SFXN5: variants seen among roughly 807,000 people sequenced by gnomAD.
The protein encoded by SFXN5 is sideroflexin 5.
In SFXN5, 43 loss-of-function variants were observed where a neutral mutation model predicts 50.2. The ratio of observed to expected loss-of-function variants is 0.86; its 90% CI spans 0.67 to 1.11. The LOEUF (loss-of-function observed/expected upper bound fraction) is 1.11, where lower values mean the gene tolerates loss of function less well. Among genes scored for constraint, SFXN5 ranks in the 50% least tolerant of loss-of-function variants. The pLI, the probability that SFXN5 is intolerant of heterozygous loss-of-function variation, is 0.00. For missense variants in SFXN5, 463 were observed against 454.1 expected, an observed-to-expected ratio of 1.02 and a Z score of -0.18; for synonymous variants, 203 against 185.8, an observed-to-expected ratio of 1.09 and a Z score of -0.75.
At chr2:72,965,897 G>A (rs888404345) in intron 12 of SFXN5, among the ~76,000 whole-genome samples, 3 of 152,080 alleles carry the variant, frequency 2.0e-5, no homozygotes, top group Non-Finnish European at 2.9e-5. Context: ...CCCGCCCCCC[G>A]CCTTCTTGTA....
intron 13 of SFXN5, among the ~76,000 whole-genome samples, chr2:72,957,921 C>T (rs1002074708): frequency 1.1e-4 from 17 of 152,238 alleles, no homozygotes; most frequent in African/African-American, 4.1e-4. Context: ...CAATGACTAT[C>T]TTCTTCCCAA....
Position 72,943,860 on chromosome 2 carries a change from G to C in SFXN5, c.*1162C>G, listed in dbSNP as rs1449763675. 1 of 152,344 alleles carries C rather than the reference G, an allele frequency of 6.6e-6. No homozygotes were observed. The highest frequency in any genetic ancestry group is 6.5e-5 in the Admixed American group (1 of 15,286). The allele number at this position is 152,344 out of a possible 1,614,324, so 9.4% of individuals were successfully genotyped here. A position where few individuals can be genotyped will look rare whatever the true frequency, so the allele number is the denominator to read the frequency against. Reference sequence around the variant, plus strand: ...CGAGGTCTTGCTGGAGGAGCCAGTGGGAACCCCTTGATCCAGTCTTCTGGT... The same window carrying C: ...CGAGGTCTTGCTGGAGGAGCCAGTGCGAACCCCTTGATCCAGTCTTCTGGT... On this transcript the variant is annotated 3_prime_UTR_variant, in exon 14 of 14. Transcript: ENST00000272433.
rs112976123 is a variant in SFXN5, at chr2:72,971,648, G to A, written c.663C>T (p.Tyr221=). The change falls in exon 11 of 14, where the codon TAC becomes TAT. Residue 221 remains tyrosine, a synonymous_variant. Coordinates refer to ENST00000272433, the MANE Select transcript of SFXN5 (RefSeq NM_144579.3). ...CATCAATCCCTTCCTCCAGCTCCCCGTACCGCATCAGGACCACATTGCAGA... is the reference window on the plus strand; with the variant it reads ...CATCAATCCCTTCCTCCAGCTCCCCATACCGCATCAGGACCACATTGCAGA... ...ANICNVVLMR[Y]GELEEGIDVL... is the part of the protein sequence containing the mutation. 2,892 of 1,613,974 alleles carry A rather than the reference G, an allele frequency of 1.8e-3. 43 individuals are homozygous for A. In the African/African-American group the frequency reaches 0.033, roughly 18 times the overall value.
At chr2:72,949,796 T>C (rs568044352) in intron 13 of SFXN5, among the ~76,000 whole-genome samples, 2 of 151,300 alleles carry the variant, frequency 1.3e-5, no homozygotes, top group Admixed American at 6.6e-5. Flanking sequence ...TCCACAGGAG[T>C]TGATGACCAA....
chr2:73,045,930 C>T (rs35073682), intron 2 of SFXN5, among the ~76,000 whole-genome samples: 5,701 of 152,204 alleles, frequency 0.037, 143 homozygotes, highest in Non-Finnish European at 0.058. Context: ...AGGGACACGT[C>T]GCTTTCCCTG....
intron 13 of SFXN5, among the ~76,000 whole-genome samples, chr2:72,955,276 GC>G (rs1672960054): frequency 6.6e-6 from 1 of 152,064 alleles, no homozygotes; most frequent in Non-Finnish European, 1.5e-5. Flanking sequence ...TGGCTCGCTC[GC>G]CCGCCCGCCG....
intron 9 of SFXN5, among the ~76,000 whole-genome samples, chr2:72,995,753 G>T (rs1488989022): frequency 6.6e-6 from 1 of 152,156 alleles, no homozygotes. Flanking sequence ...AGTTAATGAG[G>T]CTGTAGGACC....
intron 3 of SFXN5, among the ~76,000 whole-genome samples, chr2:73,033,069 T>G (rs1176000977): frequency 1.3e-5 from 2 of 152,214 alleles, no homozygotes; most frequent in Non-Finnish European, 2.9e-5. Context: ...GTTTAAATTC[T>G]AGATCTCCCG....
rs1671787616 is a variant in SFXN5, at chr2:72,945,097, A to G, written c.948T>C (p.Ile316=). The G allele has an allele frequency of 6.2e-7, 1 of 1,613,714 alleles. No individual in the cohort carries two copies. Among genetic ancestry groups the G allele is most frequent in the East Asian group, 2.2e-5 (1 of 44,874 alleles). ...TCTCCGGCTCTAATTGGGATGTTTC[A>G]ATCTGTGGAGAGAGAACAGAGAGGA... ...AISLFPQMSE[I]ETSQLEPEIA... Residue 316 remains isoleucine (I), a splice_region_variant and synonymous_variant, in exon 14 of 14, where the codon ATT becomes ATC. Coordinates refer to ENST00000272433, the MANE Select transcript of SFXN5 (RefSeq NM_144579.3). The surrounding 1 kb of genome is among the most constrained non-coding windows in gnomAD (Gnocchi z 5.8).
Position 72,961,691 on chromosome 2 carries a change from T to A in SFXN5, c.828-443A>T, listed in dbSNP as rs1368471444. ...AAAGAAACCAGAGTAGGTGCCAAGT[T>A]CAGGGGAGATGACAAAGCACATACA... On this transcript the variant is annotated intron_variant, in intron 12 of 13. Coordinates refer to ENST00000272433, the MANE Select transcript of SFXN5 (RefSeq NM_144579.3). This position sits in a 1 kb window ranked among gnomAD's most constrained non-coding sequence, Gnocchi z 4.4. Among the ~76,000 whole-genome samples, 4 of 152,086 alleles carry A rather than the reference T, an allele frequency of 2.6e-5. No homozygotes were observed. Among genetic ancestry groups the A allele is most frequent in the South Asian group, 2.1e-4 (1 of 4,822 alleles).
chr2:72,997,468 A>G (rs1673385748), intron 9 of SFXN5: 1 of 152,218 alleles, frequency 6.6e-6, no homozygotes, highest in Non-Finnish European at 1.5e-5. Context: ...ATGCTGCCCA[A>G]CATGGCCATA....
chr2:73,045,750 T>G (rs550325213), intron 2 of SFXN5, among the ~76,000 whole-genome samples: 2 of 152,198 alleles, frequency 1.3e-5, no homozygotes, highest in East Asian at 3.9e-4. Flanking sequence ...AATGGTTATG[T>G]GCAGGCAAAG....
chr2:73,031,905 C>T (rs367691369), intron 3 of SFXN5, among the ~76,000 whole-genome samples: 1 of 152,180 alleles, frequency 6.6e-6, no homozygotes. Flanking sequence ...GAGGTAGAAG[C>T]AAGTCTCTCC....
chr2:72,949,218 G>C (rs920535680), intron 13 of SFXN5, among the ~76,000 whole-genome samples: 4 of 152,158 alleles, frequency 2.6e-5, no homozygotes, highest in African/African-American at 9.7e-5. Flanking sequence ...GGTGTGGCTG[G>C]GACAGGCAGA....
chr2:72,973,846 G>C lies in SFXN5; in HGVS notation c.626-2161C>G, dbSNP rs148893176. Among the ~76,000 whole-genome samples the C allele has an allele frequency of 7.9e-5, 12 of 152,274 alleles. No homozygotes were observed. The highest frequency in any genetic ancestry group is 2.9e-4 in the African/African-American group (12 of 41,550). On this transcript the variant is annotated intron_variant, in intron 10 of 13. Coordinates refer to ENST00000272433, the MANE Select transcript of SFXN5 (RefSeq NM_144579.3). This position sits in a 1 kb window ranked among gnomAD's most constrained non-coding sequence, Gnocchi z 5.5. ...ATGCCCTTGGAGCTGCCAGGCTTTC[G>C]GTTCCCAGGAGACCTAAGAAAACCG...
chr2:72,987,282 C>A (rs1574040543), intron 10 of SFXN5, among the ~76,000 whole-genome samples: 1 of 151,408 alleles, frequency 6.6e-6, no homozygotes, highest in East Asian at 2.0e-4. Context: ...GCTAATTTTT[C>A]TATGTTTAGT....
chr2:72,993,779 C>A (rs1000403953), intron 9 of SFXN5, among the ~76,000 whole-genome samples: 2 of 152,160 alleles, frequency 1.3e-5, no homozygotes, highest in Non-Finnish European at 2.9e-5. Context: ...TGGAGAAGAA[C>A]AGAAGGGCCT....
chr2:73,000,721 G>T (rs1268632480), intron 7 of SFXN5, among the ~76,000 whole-genome samples: 1 of 152,188 alleles, frequency 6.6e-6, no homozygotes, highest in African/African-American at 2.4e-5. Flanking sequence ...CCTGAATGGG[G>T]TCCTGCGCAC....
At chr2:72,964,308 G>T (rs1559094187) in intron 12 of SFXN5, among the ~76,000 whole-genome samples, 1 of 152,244 alleles carries the variant, frequency 6.6e-6, no homozygotes, top group Non-Finnish European at 1.5e-5. Context: ...AAGGGTGGGG[G>T]CTGCCTTCCT....
Sources: gnomAD v4.1 joint callset for allele counts (sites outside exome capture counted in the v4.1 genomes callset) on GRCh38, gnomAD v4.1.1 for gene constraint, Gnocchi (gnomAD v3.1) non-coding constraint, MANE v1.5 for transcripts, NCBI Gene and HGNC (gene_info 2026-07-23, HGNC 2026-07-21) for gene names.